Variants in NAA11 observed in about 807,000 individuals in gnomAD.
The protein encoded by NAA11 is N-alpha-acetyltransferase 11.
A neutral mutation model predicts 16.1 loss-of-function variants in NAA11; 15 were observed. The observed-to-expected ratio is 0.93, with a 90% CI of 0.62 to 1.44. NAA11 has a LOEUF of 1.44. Among genes scored for constraint, NAA11 ranks in the 40% most tolerant of loss-of-function variants. NAA11 has a pLI of 0.00. For synonymous variants in NAA11, 122 were observed against 112.4 expected (o/e 1.09, Z -0.54); for missense variants, 298 against 291.3 (o/e 1.02, Z -0.17).
chr4:79,205,882 A>G, the NAA11 span, among the ~76,000 whole-genome samples: 1 of 151,854 alleles, frequency 6.6e-6, no homozygotes, highest in African/African-American at 2.4e-5. Context: ...TTTTCCCAGT[A>G]TATTTTTTGT....
downstream of NAA11, among the ~76,000 whole-genome samples, chr4:79,311,805 A>G (rs1723777845): frequency 6.6e-6 from 1 of 152,204 alleles, no homozygotes. Flanking sequence ...CCCATCCCCA[A>G]CAATTATAAA....
In NAA11 at chr4:79,325,315, G is replaced by C; in HGVS notation, c.563C>G (p.Ser188Cys). 1.2e-6 allele frequency: 2 copies of C among 1,613,924 alleles called. No homozygotes were observed. The highest frequency in any genetic ancestry group is 1.7e-6 in the Non-Finnish European group (2 of 1,179,858). Residue 188 changes from serine to cysteine, a missense_variant, in exon 1 of 2, where the codon TCT becomes TGT. Transcript: ENST00000286794. ...QETQGSTLSDSEEACQQKNPA... is the reference protein window; with the variant it reads ...QETQGSTLSDCEEACQQKNPA... The stretch of plus-strand genomic sequence containing the variant: ...GTTCTTTTGCTGACAGGCCTCTTCA[G>C]AATCAGAAAGTGTGCTGCCCTGGGT...
intron 2 of NAA11, among the ~76,000 whole-genome samples, chr4:79,231,954 G>A (rs2109956017): frequency 6.6e-6 from 1 of 151,636 alleles, no homozygotes; most frequent in East Asian, 1.9e-4. Flanking sequence ...GACATAATGA[G>A]ATGTTTGACC....
At chr4:79,157,058 AAT>A in the NAA11 span, among the ~76,000 whole-genome samples, 1 of 152,194 alleles carries the variant, frequency 6.6e-6, no homozygotes, top group Non-Finnish European at 1.5e-5. Context: ...GTTATATTGA[AAT>A]ATGTCACATA....
chr4:79,212,128 C>T, the NAA11 span, among the ~76,000 whole-genome samples: 1 of 152,144 alleles, frequency 6.6e-6, no homozygotes, highest in Non-Finnish European at 1.5e-5. Flanking sequence ...TTGAATGAAA[C>T]ATTTTCAAAA....
At chr4:79,248,621 C>T (rs766337254) in intron 2 of NAA11, among the ~76,000 whole-genome samples, 1 of 152,216 alleles carries the variant, frequency 6.6e-6, no homozygotes, top group Non-Finnish European at 1.5e-5. Context: ...CGGCACAAAC[C>T]TGTGCCTGGA....
At chr4:79,156,471 C>T in the NAA11 span, among the ~76,000 whole-genome samples, 3 of 152,118 alleles carry the variant, frequency 2.0e-5, no homozygotes, top group Admixed American at 1.3e-4. Flanking sequence ...AGGCTGGAGA[C>T]CCAGGAAGAG....
intron 2 of NAA11, among the ~76,000 whole-genome samples, chr4:79,280,767 A>G (rs915172977): frequency 6.6e-6 from 1 of 152,018 alleles, no homozygotes; most frequent in Non-Finnish European, 1.5e-5. Flanking sequence ...ATTTTAATTA[A>G]TATTAACAGA....
chr4:79,237,970 C>A (rs1369035760), intron 2 of NAA11, among the ~76,000 whole-genome samples: 1 of 152,158 alleles, frequency 6.6e-6, no homozygotes, highest in Non-Finnish European at 1.5e-5. Context: ...ACAAAAAAAT[C>A]TTTTTAAAGG....
At chr4:79,299,137 A>G (rs1473256286) in intron 1 of NAA11, 1 of 152,226 alleles carries the variant, frequency 6.6e-6, no homozygotes, top group Non-Finnish European at 1.5e-5. Flanking sequence ...TACTTGTGAG[A>G]CTGATTTTGA....
At chr4:79,212,046 A>G in the NAA11 span, among the ~76,000 whole-genome samples, 2 of 152,322 alleles carry the variant, frequency 1.3e-5, no homozygotes, top group Middle Eastern at 3.4e-3. Flanking sequence ...AACCTCTGCT[A>G]TGTTAAACAC....
At chr4:79,270,130 G>T (rs1466973629) in intron 2 of NAA11, among the ~76,000 whole-genome samples, 27 of 150,858 alleles carry the variant, frequency 1.8e-4, no homozygotes, top group African/African-American at 5.9e-4. Flanking sequence ...TTTGAAGTCA[G>T]GTAGTGTGAT....
chr4:79,187,998 C>CAAA, the NAA11 span, among the ~76,000 whole-genome samples: 21 of 74,192 alleles, frequency 2.8e-4, no homozygotes, highest in Admixed American at 6.0e-4. Flanking sequence ...GACTCCGTCT[C>CAAA]AAAAAAAAAA....
At chr4:79,285,182 A>G (rs1722880563) in intron 2 of NAA11, among the ~76,000 whole-genome samples, 1 of 152,124 alleles carries the variant, frequency 6.6e-6, no homozygotes, top group African/African-American at 2.4e-5. Flanking sequence ...TCTATTTATC[A>G]GATGCCATAA....
chr4:79,178,633 G>A, the NAA11 span, among the ~76,000 whole-genome samples: 1 of 152,070 alleles, frequency 6.6e-6, no homozygotes, highest in African/African-American at 2.4e-5. Flanking sequence ...TGCTTTTGTG[G>A]GACTTCAAGC....
At chr4:79,293,154 T>G (rs1039483559) in intron 2 of NAA11, among the ~76,000 whole-genome samples, 2 of 152,216 alleles carry the variant, frequency 1.3e-5, no homozygotes, top group African/African-American at 4.8e-5. Context: ...TCTGTTGACT[T>G]CTTGCTAAAT....
the NAA11 span, among the ~76,000 whole-genome samples, chr4:79,162,618 GTCTA>G: frequency 1.3e-5 from 2 of 152,216 alleles, no homozygotes; most frequent in Non-Finnish European, 2.9e-5. Flanking sequence ...TTTAGTCACA[GTCTA>G]TGGCACCTTT....
intron 2 of NAA11, among the ~76,000 whole-genome samples, chr4:79,272,141 C>G (rs1722509350): frequency 6.6e-6 from 1 of 150,544 alleles, no homozygotes; most frequent in Non-Finnish European, 1.5e-5. Flanking sequence ...AAATAAGGCT[C>G]CACAGATTTT....
chr4:79,323,740 G>A (rs1053334303), intron 1 of NAA11, among the ~76,000 whole-genome samples: 2 of 152,186 alleles, frequency 1.3e-5, no homozygotes, highest in African/African-American at 4.8e-5. Flanking sequence ...GGAATGGCGT[G>A]AACCCGGGAG....
Sources: allele counts gnomAD v4.1 joint callset (sites outside exome capture counted in the v4.1 genomes callset), GRCh38; gene constraint gnomAD v4.1.1; transcripts MANE v1.5; gene names NCBI Gene and HGNC (gene_info 2026-07-23, HGNC 2026-07-21).